Variants in KPNA5 observed in about 807,000 individuals in gnomAD.
KPNA5 encodes the protein karyopherin subunit alpha 5.
KPNA5 carries 46 observed loss-of-function variants against 71.3 expected under a neutral mutation model. That is an observed-to-expected ratio of 0.65 (90% CI 0.51 to 0.83). The LOEUF (loss-of-function observed/expected upper bound fraction) is 0.83. Among genes scored for constraint, KPNA5 ranks in the 40% least tolerant of loss-of-function variants. The pLI, the probability that KPNA5 is intolerant of heterozygous loss-of-function variation, is 0.00. For synonymous variants in KPNA5, 207 were observed against 201.4 expected (o/e 1.03, Z -0.24); for missense variants, 547 against 628.3 (o/e 0.87, Z 1.38).
intron 7 of KPNA5, among the ~76,000 whole-genome samples, chr6:116,709,132 C>G (rs1406051587): frequency 6.6e-6 from 1 of 152,152 alleles, no homozygotes; most frequent in Non-Finnish European, 1.5e-5. Flanking sequence ...TTTATTAACA[C>G]TAATAGTTTT....
At chr6:116,703,408 G>A (rs554981783) in intron 6 of KPNA5, among the ~76,000 whole-genome samples, 11 of 151,952 alleles carry the variant, frequency 7.2e-5, no homozygotes, top group East Asian at 5.8e-4. Context: ...GATTACAGGC[G>A]CCTGCCACCA....
At chr6:116,706,990 C>T (rs998636924) in intron 7 of KPNA5, among the ~76,000 whole-genome samples, 8 of 151,698 alleles carry the variant, frequency 5.3e-5, no homozygotes, top group Non-Finnish European at 8.8e-5. Context: ...CGGTGAAACC[C>T]GATCTCTACT....
chr6:116,737,139 T>A lies in KPNA5; in HGVS notation c.*4816T>A, dbSNP rs1021140988. On this transcript the variant is annotated 3_prime_UTR_variant, in exon 14 of 14. Coordinates refer to ENST00000368564, the MANE Select transcript of KPNA5 (RefSeq NM_001366306.2). ...ACACAAGTTACTAGGGGAAAAAATG[T>A]GATCCTTTAAAGGCTTGCTTTTAAA... 2.6e-5 allele frequency: 4 copies of A among 152,026 alleles called. No homozygotes were observed. The highest frequency in any genetic ancestry group is 5.9e-5 in the Non-Finnish European group (4 of 67,940). 9.4% of individuals were successfully genotyped at this position (152,026 alleles called of 1,614,324 possible).
At position 116,733,403 on chromosome 6, in the gene KPNA5, G is replaced by T. The variant is rs534260723; in HGVS notation, c.*1080G>T. On this transcript the variant is annotated 3_prime_UTR_variant, in exon 14 of 14. Coordinates refer to ENST00000368564, the MANE Select transcript of KPNA5 (RefSeq NM_001366306.2). ...TAAATGATAATGAAAATTGCTAAAG[G>T]TTCTTTAATATGGTTCAAATCTATA... 1 of 151,470 alleles carries T rather than the reference G, an allele frequency of 6.6e-6. No individual in the cohort carries two copies. The highest frequency in any genetic ancestry group is 1.9e-4 in the East Asian group (1 of 5,182). The allele number at this position is 151,470 out of a possible 1,614,324, so 9.4% of individuals were successfully genotyped here.
chr6:116,712,954 C>T (rs916790057), intron 7 of KPNA5, among the ~76,000 whole-genome samples: 17 of 152,166 alleles, frequency 1.1e-4, no homozygotes, highest in African/African-American at 4.1e-4. Flanking sequence ...TATACAAAAA[C>T]ACTACTCCTA....
intron 5 of KPNA5, among the ~76,000 whole-genome samples, chr6:116,701,757 T>C (rs1212800081): frequency 1.3e-5 from 2 of 152,192 alleles, no homozygotes; most frequent in African/African-American, 4.8e-5. Context: ...TTATATATTG[T>C]TGATTTTGTA....
intron 1 of KPNA5, among the ~76,000 whole-genome samples, chr6:116,681,919 C>T (rs1777374635): frequency 6.6e-6 from 1 of 152,010 alleles, no homozygotes; most frequent in Non-Finnish European, 1.5e-5. Flanking sequence ...ATCGATAATA[C>T]ATAGGAGATG....
At chr6:116,727,640 C>G (rs1271919205) in intron 12 of KPNA5, among the ~76,000 whole-genome samples, 1 of 152,016 alleles carries the variant, frequency 6.6e-6, no homozygotes, top group Non-Finnish European at 1.5e-5. Context: ...GGGACTGTAT[C>G]TTGATAGTTA....
intron 1 of KPNA5, among the ~76,000 whole-genome samples, chr6:116,688,403 G>A (rs1777675704): frequency 6.6e-6 from 1 of 151,860 alleles, no homozygotes; most frequent in African/African-American, 2.4e-5. Flanking sequence ...TAACATACTG[G>A]GTACTCACTA....
intron 6 of KPNA5, among the ~76,000 whole-genome samples, chr6:116,704,594 C>CT (rs34559060): frequency 4.1e-4 from 60 of 147,422 alleles, no homozygotes; most frequent in Non-Finnish European, 3.3e-4. Context: ...GCAAGGAAAA[C>CT]TTTTTTTTTT....
rs79561491 is a variant in KPNA5 at position 116,728,661 on chromosome 6, A to C, written c.1254-902A>C. 2.0e-5 allele frequency among the ~76,000 whole-genome samples: 3 copies of C among 151,848 alleles called. No individual in the cohort carries two copies. In the East Asian group the frequency reaches 5.8e-4, roughly 29 times the overall value. Reference sequence around the variant, plus strand: ...GGTATATACATCTTTTTTTTTTAAGAGGGACAGAAACTTTTATTAAATGTC... The same window carrying C: ...GGTATATACATCTTTTTTTTTTAAGCGGGACAGAAACTTTTATTAAATGTC... On this transcript the variant is annotated intron_variant, in intron 12 of 13. Transcript: ENST00000368564.
At chr6:116,688,522 TAATATC>T (rs1777679867) in intron 1 of KPNA5, among the ~76,000 whole-genome samples, 1 of 152,162 alleles carries the variant, frequency 6.6e-6, no homozygotes, top group Non-Finnish European at 1.5e-5. Flanking sequence ...TCCTATAAGA[TAATATC>T]AAGATATCAA....
At chr6:116,722,320 G>A in intron 9 of KPNA5, 31 bp downstream of exon 9, 3 of 1,504,502 alleles carry the variant, frequency 2.0e-6, no homozygotes, top group Non-Finnish European at 2.7e-6. Flanking sequence ...CTTAATAATT[G>A]TATGATTGAG....
chr6:116,726,697 C>A, intron 12 of KPNA5, 75 bp downstream of exon 12: 1 of 1,184,980 alleles, frequency 8.4e-7, no homozygotes, highest in Non-Finnish European at 1.2e-6. Flanking sequence ...TTTTAATTTA[C>A]TGATGGAACT....
At chr6:116,709,433 G>A (rs1325528559) in intron 7 of KPNA5, among the ~76,000 whole-genome samples, 1 of 152,102 alleles carries the variant, frequency 6.6e-6, no homozygotes, top group Non-Finnish European at 1.5e-5. Flanking sequence ...CGAATTTGAG[G>A]TCAAGATCAT....
At chr6:116,704,374 G>T (rs1778353827) in intron 6 of KPNA5, among the ~76,000 whole-genome samples, 1 of 151,988 alleles carries the variant, frequency 6.6e-6, no homozygotes. Context: ...GTAAGTATTT[G>T]TGTATCTACA....
chr6:116,738,962 C>T lies in KPNA5; in HGVS notation c.*6639C>T, dbSNP rs1779768335. On this transcript the variant is annotated 3_prime_UTR_variant, in exon 14 of 14. Coordinates refer to ENST00000368564, the MANE Select transcript of KPNA5 (RefSeq NM_001366306.2). ...GGCACAAGACAGGGATGCCCTCTCT[C>T]ACCACTCCTATTCAACATAGTGTTG... The T allele has an allele frequency of 6.6e-6, 1 of 151,506 alleles. No individual in the cohort carries two copies. The highest frequency in any genetic ancestry group is 3.4e-3 in the Middle Eastern group (1 of 294). 9.4% of individuals were successfully genotyped at this position (151,506 alleles called of 1,614,324 possible).
rs1250537243 is a variant in KPNA5 at position 116,734,742 on chromosome 6, A to C, written c.*2419A>C. 6.6e-6 allele frequency: 1 copy of C among 151,180 alleles called. No individual in the cohort carries two copies. Among genetic ancestry groups the C allele is most frequent in the Non-Finnish European group, 1.5e-5 (1 of 67,560 alleles). The allele number at this position is 151,180 out of a possible 1,614,324, so 9.4% of individuals were successfully genotyped here. On this transcript the variant is annotated 3_prime_UTR_variant, in exon 14 of 14. Coordinates refer to ENST00000368564, the MANE Select transcript of KPNA5 (RefSeq NM_001366306.2). ...AAAAAAAAAAAAAAAGAAAGAAAGA[A>C]AAGAAAAAAATAAATAAAATGCTCC...
Position 116,737,820 on chromosome 6 carries a change from CACTT to C in KPNA5, c.*5498_*5501del, listed in dbSNP as rs1466469795. The C allele has an allele frequency of 6.6e-6, 1 of 151,932 alleles. No individual in the cohort carries two copies. The highest frequency in any genetic ancestry group is 1.5e-5 in the Non-Finnish European group (1 of 67,934). The allele number at this position is 151,932 out of a possible 1,614,324, so 9.4% of individuals were successfully genotyped here. On this transcript the variant is annotated 3_prime_UTR_variant, in exon 14 of 14. Coordinates refer to ENST00000368564, the MANE Select transcript of KPNA5 (RefSeq NM_001366306.2). ...TTTCTTGGTGCCTTTTTGTCTCAAT[CACTT>C]TCGCTGAATTCAGTTATAGTGATTA... is the stretch of plus-strand genomic sequence containing the variant.
Sources: allele counts gnomAD v4.1 joint callset (sites outside exome capture counted in the v4.1 genomes callset), GRCh38; gene constraint gnomAD v4.1.1; transcripts MANE v1.5; gene names NCBI Gene and HGNC (gene_info 2026-07-23, HGNC 2026-07-21).